UTP11: variants seen among roughly 807,000 people sequenced by gnomAD.
UTP11 encodes probable U3 small nucleolar RNA-associated protein 11.
Under a neutral mutation model 39.0 loss-of-function variants are expected in UTP11, and 29 were observed. The ratio of observed to expected loss-of-function variants is 0.74; its 90% CI spans 0.55 to 1.01. The LOEUF is 1.01. UTP11 is among the 50% of genes least tolerant of loss of function. The pLI is 0.00. For missense variants in UTP11, 281 were observed against 306.0 expected, an observed-to-expected ratio of 0.92 and a Z score of 0.61; for synonymous variants, 111 against 105.0, an observed-to-expected ratio of 1.06 and a Z score of -0.35.
chr1:38,014,489 C>T (rs201250034), intron 1 of UTP11, among the ~76,000 whole-genome samples: 8 of 152,288 alleles, frequency 5.3e-5, no homozygotes, highest in East Asian at 3.9e-4. Flanking sequence ...TTTTGTAATG[C>T]GATTGTACAT....
At chr1:38,016,579 A>G (rs1646708186) in intron 2 of UTP11, 159 bp downstream of exon 2, 2 of 695,090 alleles carry the variant, frequency 2.9e-6, no homozygotes, top group Admixed American at 4.7e-5. Context: ...CTGTGATCCT[A>G]AATTTCTCTC....
Position 38,022,737 on chromosome 1 carries a change from GAC to G in UTP11, c.610_611del (p.Gln204AlafsTer3). On this transcript the variant is annotated frameshift_variant, in exon 7 of 8. Transcript: ENST00000373014. LOFTEE classifies it high-confidence loss of function. ...AAAGGCAAAAGCAGTATAACTGCCT[GAC>G]ACAGCGGATTGAACGAGAGAAGAAA... Reference protein sequence around the residue: ...KERQKQYNCLTQRIEREKKLF... With the variant: ...KERQKQYNCLXQRIEREKKLF... The G allele has an allele frequency of 1.2e-6, 2 of 1,614,032 alleles. No homozygotes were observed. Among genetic ancestry groups the G allele is most frequent in the Non-Finnish European group, 1.7e-6 (2 of 1,179,944 alleles).
intron 6 of UTP11, among the ~76,000 whole-genome samples, chr1:38,022,132 A>G (rs1025349404): frequency 6.6e-6 from 1 of 152,120 alleles, no homozygotes; most frequent in African/African-American, 2.4e-5. Flanking sequence ...TTCACTTTGT[A>G]TAGGGTTTCC....
chr1:38,019,241 C>G lies in UTP11; in HGVS notation c.437-12C>G. The G allele has an allele frequency of 6.2e-7, 1 of 1,614,000 alleles. No individual in the cohort carries two copies. On this transcript the variant is annotated splice_polypyrimidine_tract_variant and intron_variant, in intron 5 of 7. Coordinates refer to ENST00000373014, the MANE Select transcript of UTP11 (RefSeq NM_016037.4). ...AAACCGACAGTGCCTTAAGGATTGT[C>G]TTGAATTTTAGTTGAACAGTTTGAT...
chr1:38,016,094 G>A (rs562753465), intron 1 of UTP11, among the ~76,000 whole-genome samples: 14 of 152,232 alleles, frequency 9.2e-5, no homozygotes, highest in Non-Finnish European at 1.9e-4. Context: ...GCTTAGTGCC[G>A]AGTCATTGTT....
chr1:38,023,470 A>G, intron 7 of UTP11, 75 bp from the exon 8 acceptor site: 1 of 1,329,580 alleles, frequency 7.5e-7, no homozygotes, highest in Non-Finnish European at 1.1e-6. Flanking sequence ...AGGTGCTAAT[A>G]GGTAGTTTAT....
At chr1:38,022,320 C>T (rs974936301) in intron 6 of UTP11, among the ~76,000 whole-genome samples, 2 of 152,088 alleles carry the variant, frequency 1.3e-5, no homozygotes, top group Admixed American at 6.6e-5. Flanking sequence ...CATTTTTCTG[C>T]GTTTGTAAAT....
rs1392271316 is a variant in UTP11 at position 38,023,819 on chromosome 1, GA to G, written c.*194del. 2 of 445,946 alleles carry G rather than the reference GA, an allele frequency of 4.5e-6. No individual in the cohort carries two copies. The highest frequency in any genetic ancestry group is 4.1e-5 in the African/African-American group (2 of 48,878). 27.6% of individuals were successfully genotyped at this position (445,946 alleles called of 1,614,324 possible). ...CCTTCTGTAATTGTTTTTGGATTGT[GA>G]AATTAGTCTTATTTTTATATACTTA... On this transcript the variant is annotated 3_prime_UTR_variant, in exon 8 of 8. Transcript: ENST00000373014.
chr1:38,019,506 G>A (rs965960969), intron 6 of UTP11, 123 bp downstream of exon 6: 26 of 901,180 alleles, frequency 2.9e-5, no homozygotes, highest in Non-Finnish European at 3.6e-5. Context: ...TTATTTTTTA[G>A]TCAGAGTCTC....
Position 38,018,524 on chromosome 1 carries a change from A to G in UTP11, c.289A>G (p.Met97Val), listed in dbSNP as rs776466191. 2.5e-6 allele frequency: 4 copies of G among 1,613,904 alleles called. No individual in the cohort carries two copies. The South Asian group carries it at 3.3e-5, about 13-fold the overall frequency. Residue 97 changes from methionine (M) to valine (V), a missense_variant, in exon 4 of 8, where the codon ATG (methionine) becomes GTG (valine). Transcript: ENST00000373014. ...AGTAACCCCAGAACAACTAAAGCTGATGAGAACTCAGGACGTCAAATATAT... is the reference window on the plus strand; with the variant it reads ...AGTAACCCCAGAACAACTAAAGCTGGTGAGAACTCAGGACGTCAAATATAT... ...EEVTPEQLKL[M>V]RTQDVKYIEM...
chr1:38,022,292 C>T (rs1248689346), intron 6 of UTP11, among the ~76,000 whole-genome samples: 2 of 152,126 alleles, frequency 1.3e-5, no homozygotes, highest in Non-Finnish European at 2.9e-5. Context: ...GTCCTTGGAC[C>T]ACTTCTTCTC....
chr1:38,020,748 G>A (rs1186086403), intron 6 of UTP11, among the ~76,000 whole-genome samples: 1 of 152,176 alleles, frequency 6.6e-6, no homozygotes, highest in Non-Finnish European at 1.5e-5. Context: ...CTGACAGTCT[G>A]TGCAATAAAG....
rs543487790 is a variant in UTP11 at position 38,022,983 on chromosome 1, G to A, written c.678+174G>A. 3.6e-4 allele frequency among the ~76,000 whole-genome samples: 55 copies of A among 152,240 alleles called. No homozygotes were observed. In the Middle Eastern group the frequency reaches 0.01, roughly 28 times the overall value. On this transcript the variant is annotated intron_variant, in intron 7 of 7. Coordinates refer to ENST00000373014, the MANE Select transcript of UTP11 (RefSeq NM_016037.4). ...TGTTACTCTGACAGTGTTGAAATGC[G>A]CCTTGATTAAGGAGGTAATAAGGGG...
chr1:38,019,195 GT>G (rs1447125788), intron 5 of UTP11, 43 bp downstream of exon 5: 1 of 1,613,932 alleles, frequency 6.2e-7, no homozygotes, highest in Non-Finnish European at 8.5e-7. Context: ...TACCATGCCA[GT>G]CTGTGTCATT....
intron 7 of UTP11, 38 bp downstream of exon 7, chr1:38,022,847 TC>T: frequency 7.0e-6 from 9 of 1,281,130 alleles, no homozygotes; most frequent in South Asian, 1.3e-5. Flanking sequence ...TTTTTTTTTT[TC>T]CCCCTTTTCT....
rs1646685566 is a variant in UTP11 at position 38,012,820 on chromosome 1, G to A, written c.18G>A (p.Arg6=). The change falls in exon 1 of 8, where the codon CGG becomes CGA. Residue 6 remains arginine, a synonymous_variant. Coordinates refer to ENST00000373014, the MANE Select transcript of UTP11 (RefSeq NM_016037.4). The stretch of plus-strand genomic sequence containing the variant: ...GTACAGACATGGCGGCGGCTTTTCG[G>A]AAGGCGGCTAAGTCCCGGCAGCGGG... MAAAF[R]KAAKSRQREH... 1 of 1,614,098 alleles carries A rather than the reference G, an allele frequency of 6.2e-7. No homozygotes were observed. Among genetic ancestry groups the A allele is most frequent in the South Asian group, 1.1e-5 (1 of 91,090 alleles).
chr1:38,016,292 T>C (rs776015694), intron 1 of UTP11, 67 bp from the exon 2 acceptor site: 45 of 1,500,682 alleles, frequency 3.0e-5, no homozygotes, highest in Non-Finnish European at 3.9e-5. Flanking sequence ...CTGTTAGATG[T>C]CGTGTTGATT....
At chr1:38,014,036 C>T (rs113957668) in intron 1 of UTP11, among the ~76,000 whole-genome samples, 6,010 of 152,294 alleles carry the variant, frequency 0.039, 155 homozygotes, top group Non-Finnish European at 0.055. Context: ...CTTTTGAGCA[C>T]TTACTATATG....
intron 1 of UTP11, among the ~76,000 whole-genome samples, chr1:38,015,147 T>A (rs933660119): frequency 1.3e-5 from 2 of 152,132 alleles, no homozygotes; most frequent in Non-Finnish European, 2.9e-5. Context: ...CTCAGCCTCT[T>A]GAGTAGCTGG....
Sources: allele counts gnomAD v4.1 joint callset (sites outside exome capture counted in the v4.1 genomes callset), GRCh38; gene constraint gnomAD v4.1.1; transcripts MANE v1.5; gene names NCBI Gene and HGNC (gene_info 2026-07-23, HGNC 2026-07-21).